The following NBEA variants were observed in gnomAD, a reference collection of about 807,000 sequenced individuals.
NBEA encodes neurobeachin, also known as lysosomal-trafficking regulator 2.
A neutral mutation model predicts 343.4 loss-of-function variants in NBEA; 44 were observed. That is an observed-to-expected ratio of 0.13 (90% confidence interval 0.10 to 0.16). NBEA has a LOEUF of 0.16. NBEA is among the 10% of genes least tolerant of loss of function. The probability of loss-of-function intolerance (pLI) is 1.00; values close to 1 mark genes in which losing one functional copy is unlikely to be tolerated. For synonymous variants in NBEA, 1,175 were observed against 1,238.7 expected (o/e 0.95, Z 1.08); for missense variants, 2,555 against 3,631.3 (o/e 0.70, Z 7.62).
intron 1 of NBEA, among the ~76,000 whole-genome samples, chr13:34,980,130 GT>G (rs1566116556): frequency 6.6e-6 from 1 of 152,058 alleles, no homozygotes; most frequent in Non-Finnish European, 1.5e-5. Context: ...AAATCAGGTA[GT>G]TTAAGTTTTC....
intron 1 of NBEA, among the ~76,000 whole-genome samples, chr13:34,973,691 G>A (rs2060073068): frequency 6.6e-6 from 1 of 152,112 alleles, no homozygotes; most frequent in South Asian, 2.1e-4. Context: ...ACTCCCCACA[G>A]GAACTCTGTC....
At chr13:35,449,658 G>A (rs556881594) in intron 39 of NBEA, among the ~76,000 whole-genome samples, 144 of 152,172 alleles carry the variant, frequency 9.5e-4, no homozygotes, top group African/African-American at 3.4e-3. Flanking sequence ...ATTACTCTTG[G>A]GCTGGCTTTA....
chr13:35,055,784 G>A (rs998991070), intron 6 of NBEA, among the ~76,000 whole-genome samples: 1 of 152,074 alleles, frequency 6.6e-6, no homozygotes, highest in Non-Finnish European at 1.5e-5. Context: ...CGTCACGCTG[G>A]AGGTCAAGGG....
chr13:35,505,893 C>T (rs1308604791), intron 41 of NBEA, among the ~76,000 whole-genome samples: 1 of 152,072 alleles, frequency 6.6e-6, no homozygotes, highest in Non-Finnish European at 1.5e-5. Context: ...TTTGATTTTA[C>T]TCATAAATAT....
chr13:35,203,599 G>A (rs565446393), intron 31 of NBEA, among the ~76,000 whole-genome samples: 12 of 152,158 alleles, frequency 7.9e-5, no homozygotes, highest in Admixed American at 4.6e-4. Flanking sequence ...CAGAACTTAC[G>A]TCAGTTCCAC....
At chr13:35,128,059 A>C (rs1320968380) in intron 17 of NBEA, among the ~76,000 whole-genome samples, 1 of 130,634 alleles carries the variant, frequency 7.7e-6, no homozygotes, top group Admixed American at 9.2e-5. Flanking sequence ...GTAAAGTTTT[A>C]TTATATAAGT....
At chr13:35,283,848 A>C (rs2035226246) in intron 34 of NBEA, among the ~76,000 whole-genome samples, 1 of 152,172 alleles carries the variant, frequency 6.6e-6, no homozygotes, top group African/African-American at 2.4e-5. Flanking sequence ...TCAGAATTGT[A>C]AAGTATCATG....
Position 35,193,908 on chromosome 13 carries a change from T to C in NBEA, c.4928-1956T>C, listed in dbSNP as rs368242349. Among the ~76,000 whole-genome samples the C allele has an allele frequency of 7.2e-5, 11 of 152,094 alleles. No homozygotes were observed. In the East Asian group the frequency reaches 1.7e-3, roughly 24 times the overall value. On this transcript the variant is annotated intron_variant, in intron 30 of 58. Transcript: ENST00000379939. ...CATTGCATTGTGATAAATGCATATT[T>C]TAAGTCAGTTTAAATTAGTATTTGA...
chr13:34,970,484 G>T (rs533400130), intron 1 of NBEA, among the ~76,000 whole-genome samples: 3 of 152,136 alleles, frequency 2.0e-5, no homozygotes, highest in Admixed American at 2.0e-4. Context: ...GTATTGCCTA[G>T]GTTGTCTTTC....
At chr13:35,491,996 A>G (rs572816891) in intron 41 of NBEA, among the ~76,000 whole-genome samples, 3 of 152,160 alleles carry the variant, frequency 2.0e-5, no homozygotes, top group East Asian at 3.9e-4. Context: ...GCAGATCACA[A>G]TAGGATTGAA....
intron 48 of NBEA, among the ~76,000 whole-genome samples, chr13:35,610,388 A>G (rs2082455487): frequency 6.6e-6 from 1 of 152,126 alleles, no homozygotes; most frequent in Admixed American, 6.5e-5. Flanking sequence ...ACTGCACTCC[A>G]CCAGAGCAAG....
intron 30 of NBEA, among the ~76,000 whole-genome samples, chr13:35,195,261 A>C (rs1327870007): frequency 6.6e-6 from 1 of 152,192 alleles, no homozygotes; most frequent in African/African-American, 2.4e-5. Context: ...AAGCTGCTTT[A>C]GGAAATTGTT....
intron 8 of NBEA, among the ~76,000 whole-genome samples, chr13:35,067,396 A>G (rs1279688406): frequency 6.6e-6 from 1 of 152,150 alleles, no homozygotes; most frequent in East Asian, 1.9e-4. Flanking sequence ...AGTACAAAAT[A>G]TATTCATACC....
intron 53 of NBEA, 44 bp downstream of exon 53, chr13:35,651,920 A>C: frequency 1.0e-6 from 1 of 995,190 alleles, no homozygotes. Context: ...TACTATCCAT[A>C]TATTCATATA....
intron 31 of NBEA, among the ~76,000 whole-genome samples, chr13:35,205,273 A>T (rs544603486): frequency 6.6e-6 from 1 of 152,264 alleles, no homozygotes; most frequent in African/African-American, 2.4e-5. Flanking sequence ...AAATCGGTCA[A>T]ATACAGGTTC....
At chr13:35,174,103 A>C (rs923889266) in intron 27 of NBEA, among the ~76,000 whole-genome samples, 16 of 152,078 alleles carry the variant, frequency 1.1e-4, no homozygotes, top group African/African-American at 3.9e-4. Flanking sequence ...GTCCTTGCTT[A>C]CTTCTCCAGC....
At chr13:35,546,467 A>AG (rs1232951589) in intron 41 of NBEA, among the ~76,000 whole-genome samples, 1 of 152,076 alleles carries the variant, frequency 6.6e-6, no homozygotes, top group African/African-American at 2.4e-5. Flanking sequence ...CCATCTCAAA[A>AG]AAAAAAAAAG....
chr13:35,495,890 T>C (rs1010104054), intron 41 of NBEA, among the ~76,000 whole-genome samples: 5 of 152,008 alleles, frequency 3.3e-5, no homozygotes, highest in African/African-American at 7.2e-5. Context: ...TCATAAATGA[T>C]ATAGAAACCA....
intron 34 of NBEA, among the ~76,000 whole-genome samples, chr13:35,277,009 C>T (rs1360827382): frequency 6.6e-6 from 1 of 152,086 alleles, no homozygotes; most frequent in Non-Finnish European, 1.5e-5. Context: ...GGAAAGCATG[C>T]ATGCAGAACA....
Sources: gnomAD v4.1 joint callset for allele counts (sites outside exome capture counted in the v4.1 genomes callset) on GRCh38, gnomAD v4.1.1 for gene constraint, MANE v1.5 for transcripts, NCBI Gene and HGNC (gene_info 2026-07-23, HGNC 2026-07-21) for gene names.